DOK6: variants seen among roughly 807,000 people sequenced by gnomAD.
The protein encoded by DOK6 is docking protein 6.
DOK6 carries 22 observed loss-of-function variants against 44.0 expected under a neutral mutation model. That is an observed-to-expected ratio of 0.50 (90% CI 0.36 to 0.71). The LOEUF is 0.71. Among genes scored for constraint, DOK6 ranks in the 30% least tolerant of loss-of-function variants. The pLI is 0.00. For missense variants in DOK6, 340 were observed against 416.4 expected (o/e 0.82, Z 1.60); for synonymous variants, 166 against 145.5 (o/e 1.14, Z -1.01).
At chr18:69,721,236 A>G (rs1273266809) in intron 5 of DOK6, 2 of 152,196 alleles carry the variant, frequency 1.3e-5, no homozygotes, top group Non-Finnish European at 2.9e-5. Flanking sequence ...TCCTACTAAC[A>G]TATGTGTTCC....
chr18:69,669,234 T>C, intron 3 of DOK6, among the ~76,000 whole-genome samples: 1 of 152,190 alleles, frequency 6.6e-6, no homozygotes, highest in East Asian at 1.9e-4. Context: ...AGGTAATTTT[T>C]TGATCCTCTC....
intron 3 of DOK6, among the ~76,000 whole-genome samples, chr18:69,606,667 C>G (rs1984003020): frequency 6.7e-6 from 1 of 150,358 alleles, no homozygotes. Context: ...ACTGTTAGGA[C>G]AAACGAATTC....
chr18:69,561,643 G>T (rs9949854), intron 1 of DOK6, among the ~76,000 whole-genome samples: 46,959 of 151,788 alleles, frequency 0.31, 7,632 homozygotes, highest in East Asian at 0.56. Flanking sequence ...GGAAGTGTTT[G>T]TTAGGGAAGG....
chr18:69,567,503 C>T (rs772321968), intron 2 of DOK6, among the ~76,000 whole-genome samples: 5 of 151,870 alleles, frequency 3.3e-5, no homozygotes, highest in South Asian at 2.1e-4. Flanking sequence ...AGGAACAATT[C>T]GGTGTGATCA....
At chr18:69,719,928 A>T (rs1448880907) in intron 5 of DOK6, among the ~76,000 whole-genome samples, 1 of 152,164 alleles carries the variant, frequency 6.6e-6, no homozygotes, top group Non-Finnish European at 1.5e-5. Context: ...AGGCATTGAA[A>T]TCACCGAATC....
intron 1 of DOK6, among the ~76,000 whole-genome samples, chr18:69,465,091 G>A (rs974667111): frequency 2.0e-5 from 3 of 151,994 alleles, no homozygotes; most frequent in Non-Finnish European, 2.9e-5. Context: ...CCCAATAATG[G>A]GGGAAAATAT....
intron 1 of DOK6, among the ~76,000 whole-genome samples, chr18:69,558,733 G>C (rs1044927011): frequency 3.3e-5 from 5 of 152,102 alleles, no homozygotes; most frequent in Admixed American, 6.6e-5. Context: ...TATCAGAGGA[G>C]ACTAAGGAGA....
At chr18:69,691,674 A>T (rs1986271384) in intron 4 of DOK6, among the ~76,000 whole-genome samples, 1 of 152,208 alleles carries the variant, frequency 6.6e-6, no homozygotes, top group African/African-American at 2.4e-5. Flanking sequence ...GCAACTGGAC[A>T]AGATACACTG....
chr18:69,441,031 A>G (rs937690083), intron 1 of DOK6, among the ~76,000 whole-genome samples: 3 of 152,170 alleles, frequency 2.0e-5, no homozygotes, highest in African/African-American at 4.8e-5. Flanking sequence ...GCAGAAAGAT[A>G]TTAAAATTAA....
chr18:69,441,818 T>C (rs973642412), intron 1 of DOK6, among the ~76,000 whole-genome samples: 2 of 152,062 alleles, frequency 1.3e-5, no homozygotes, highest in Non-Finnish European at 2.9e-5. Context: ...GTGGTACAGG[T>C]AGAACACCGG....
At chr18:69,756,118 G>A (rs1047101898) in intron 6 of DOK6, among the ~76,000 whole-genome samples, 1 of 152,190 alleles carries the variant, frequency 6.6e-6, no homozygotes, top group Non-Finnish European at 1.5e-5. Context: ...ACGTGGGCTT[G>A]TTTAGACAAG....
intron 1 of DOK6, among the ~76,000 whole-genome samples, chr18:69,552,564 C>T (rs1982591516): frequency 6.6e-6 from 1 of 152,172 alleles, no homozygotes; most frequent in African/African-American, 2.4e-5. Context: ...AAGTTCAGAA[C>T]ATTTGCTATG....
At chr18:69,639,081 T>G (rs113284890) in intron 3 of DOK6, among the ~76,000 whole-genome samples, 2,622 of 152,286 alleles carry the variant, frequency 0.017, 84 homozygotes, top group African/African-American at 0.06. Flanking sequence ...AAATCTCAAA[T>G]TATGTGTTCT....
chr18:69,807,238 G>A (rs1211081859), intron 7 of DOK6, among the ~76,000 whole-genome samples: 1 of 151,762 alleles, frequency 6.6e-6, no homozygotes, highest in Non-Finnish European at 1.5e-5. Context: ...ATAACTATAA[G>A]ATGTTTCCTA....
intron 4 of DOK6, among the ~76,000 whole-genome samples, chr18:69,686,284 C>A (rs1346526789): frequency 6.6e-6 from 1 of 152,136 alleles, no homozygotes; most frequent in African/African-American, 2.4e-5. Context: ...TTTGTTATAA[C>A]AGCCCTGGCA....
chr18:69,529,895 A>G (rs1175968763), intron 1 of DOK6, among the ~76,000 whole-genome samples: 2 of 152,182 alleles, frequency 1.3e-5, no homozygotes, highest in Non-Finnish European at 2.9e-5. Context: ...GGCACTTTAC[A>G]TATATTATCT....
intron 2 of DOK6, among the ~76,000 whole-genome samples, chr18:69,572,802 A>G (rs1983146217): frequency 6.6e-6 from 1 of 152,074 alleles, no homozygotes; most frequent in Non-Finnish European, 1.5e-5. Flanking sequence ...TATGAAAGCA[A>G]AGAGACCATT....
chr18:69,517,509 A>G (rs1981562013), intron 1 of DOK6, among the ~76,000 whole-genome samples: 1 of 152,130 alleles, frequency 6.6e-6, no homozygotes, highest in African/African-American at 2.4e-5. Flanking sequence ...AGTCTCTTCT[A>G]TAATCCGGTC....
intron 2 of DOK6, among the ~76,000 whole-genome samples, chr18:69,580,360 C>A (rs1983338403): frequency 6.6e-6 from 1 of 152,154 alleles, no homozygotes; most frequent in South Asian, 2.1e-4. Flanking sequence ...ATCTGTAATT[C>A]TCTCCCTCTC....
Sources: allele counts gnomAD v4.1 joint callset (sites outside exome capture counted in the v4.1 genomes callset), GRCh38; gene constraint gnomAD v4.1.1; transcripts MANE v1.5; gene names NCBI Gene and HGNC (gene_info 2026-07-23, HGNC 2026-07-21).